Variants in ZC3H12D observed in about 807,000 individuals in gnomAD.
ZC3H12D encodes the protein probable ribonuclease ZC3H12D.
Under a neutral mutation model 24.2 loss-of-function variants are expected in ZC3H12D, and 11 were observed. The observed-to-expected ratio is 0.46, with a 90% confidence interval of 0.29 to 0.75. The LOEUF is 0.75. Ranked by LOEUF, ZC3H12D falls within the 30% of genes least tolerant of loss-of-function variation. The pLI is 0.11. For missense variants in ZC3H12D, 740 were observed against 767.7 expected (o/e 0.96, Z 0.43); for synonymous variants, 333 against 341.8 (o/e 0.97, Z 0.28).
Position 149,449,490 on chromosome 6 carries a change from T to A in ZC3H12D, c.*1193A>T, listed in dbSNP as rs1327756750. 1 of 151,298 alleles carries A rather than the reference T, an allele frequency of 6.6e-6. No homozygotes were observed. The highest frequency in any genetic ancestry group is 1.5e-5 in the Non-Finnish European group (1 of 68,060). The allele number at this position is 151,298 out of a possible 1,614,324, so 9.4% of individuals were successfully genotyped here. A position where few individuals can be genotyped will look rare whatever the true frequency, so the allele number is the denominator to read the frequency against. On this transcript the variant is annotated 3_prime_UTR_variant, in exon 6 of 6. Transcript: ENST00000409806. Reference sequence around the variant, plus strand: ...TCTCGCTCTGCTGCCCAGGCTGGAGTGCAGTGGCATGATCTCAACTCACTG... The same window carrying A: ...TCTCGCTCTGCTGCCCAGGCTGGAGAGCAGTGGCATGATCTCAACTCACTG...
At chr6:149,455,860 C>A (rs889838407) in intron 4 of ZC3H12D, among the ~76,000 whole-genome samples, 7 of 151,268 alleles carry the variant, frequency 4.6e-5, no homozygotes, top group East Asian at 1.9e-4. Context: ...TGTGATCATG[C>A]CACTGCACTC....
At chr6:149,451,566 G>T in intron 5 of ZC3H12D, 87 bp from the exon 6 acceptor site, 1 of 1,187,870 alleles carries the variant, frequency 8.4e-7, no homozygotes, top group Non-Finnish European at 1.1e-6. Flanking sequence ...GGGAGTGCCG[G>T]CCCGCGGCCT....
intron 2 of ZC3H12D, among the ~76,000 whole-genome samples, chr6:149,471,132 C>T (rs1371480157): frequency 1.3e-5 from 2 of 152,236 alleles, no homozygotes; most frequent in Non-Finnish European, 2.9e-5. Context: ...CTTAGGAGAG[C>T]CCATTTCTGT....
At chr6:149,458,377 C>T (rs1210421266) in intron 3 of ZC3H12D, among the ~76,000 whole-genome samples, 1 of 151,968 alleles carries the variant, frequency 6.6e-6, no homozygotes, top group Non-Finnish European at 1.5e-5. Context: ...CTCAAGCATC[C>T]ACCCACCTCA....
Position 149,461,959 on chromosome 6 carries a change from T to C in ZC3H12D, c.317A>G (p.Lys106Arg), listed in dbSNP as rs61997220. 86,039 of 1,611,216 alleles carry C rather than the reference T, an allele frequency of 0.053. 2,794 individuals carry two copies. The highest frequency in any genetic ancestry group is 0.064 in the Non-Finnish European group (75,885 of 1,178,650). Residue 106 changes from lysine to arginine, a missense_variant, in exon 3 of 6, where the codon AAA becomes AGA. Lys to Arg is a conservative substitution (Grantham distance 26). Transcript: ENST00000409806. The stretch of plus-strand genomic sequence containing the variant: ...GATTCCCCGGCAAGAGAAGGTTTCT[T>C]TATTTCCATGGCTACAATGGGAAAA... ...GSNVAMSHGN[K>R]ETFSCRGIKL... is the part of the protein sequence containing the mutation.
chr6:149,451,453 A>C lies in ZC3H12D; in HGVS notation c.814T>G (p.Cys272Gly). 6.3e-7 allele frequency: 1 copy of C among 1,574,992 alleles called. No homozygotes were observed. Among genetic ancestry groups the C allele is most frequent in the Non-Finnish European group, 8.5e-7 (1 of 1,170,190 alleles). Residue 272 changes from cysteine to glycine, a missense_variant, in exon 6 of 6, where the codon TGC becomes GGC. Transcript: ENST00000409806. ...YGKKCTYGIK[C>G]KFYHPERPHH... is the part of the protein sequence containing the mutation. ...GGCCTCTCCGGGTGGTAGAACTTGC[A>C]CTTGATGCCATAGGTGCATTTCTTG...
chr6:149,465,891 CA>C (rs1356972384), intron 2 of ZC3H12D, among the ~76,000 whole-genome samples: 4 of 148,590 alleles, frequency 2.7e-5, no homozygotes, highest in Non-Finnish European at 5.9e-5. Flanking sequence ...CCAGCCCAAC[CA>C]TAGGGGAGGG....
Position 149,452,753 on chromosome 6 carries a change from A to G in ZC3H12D, c.681-31T>C, listed in dbSNP as rs1026992307. On this transcript the variant is annotated intron_variant, in intron 4 of 5. Transcript: ENST00000409806. The surrounding 1 kb of genome is among the most constrained non-coding windows in gnomAD (Gnocchi z 4.0). ...AAATAAGCACAGGGGCAACTGCAAG[A>G]CCACCTGGGATTTGCCACCAGCACC... 1.3e-6 allele frequency: 2 copies of G among 1,550,404 alleles called. No individual in the cohort carries two copies. The highest frequency in any genetic ancestry group is 1.9e-5 in the Admixed American group (1 of 53,024).
chr6:149,469,672 A>C (rs1432308894), intron 2 of ZC3H12D, among the ~76,000 whole-genome samples: 1 of 152,152 alleles, frequency 6.6e-6, no homozygotes, highest in Non-Finnish European at 1.5e-5. Context: ...ACACACACAC[A>C]GCCCTACCTT....
chr6:149,466,492 G>A (rs774867903), intron 2 of ZC3H12D, among the ~76,000 whole-genome samples: 1 of 151,574 alleles, frequency 6.6e-6, no homozygotes, highest in South Asian at 2.1e-4. Context: ...CCTCCCTCAC[G>A]TCACCCCCGA....
intron 2 of ZC3H12D, among the ~76,000 whole-genome samples, chr6:149,463,331 T>C (rs964422309): frequency 6.6e-6 from 1 of 152,248 alleles, no homozygotes; most frequent in African/African-American, 2.4e-5. Flanking sequence ...GGAAGATTCC[T>C]TTCTTCCTCC....
At chr6:149,475,327 C>T (rs1776318483) in intron 1 of ZC3H12D, among the ~76,000 whole-genome samples, 2 of 152,238 alleles carry the variant, frequency 1.3e-5, no homozygotes, top group Admixed American at 6.5e-5. Context: ...GCGAATTCTA[C>T]TCCCAGAAAG....
At chr6:149,478,275 TTA>T (rs1195911033) in intron 1 of ZC3H12D, among the ~76,000 whole-genome samples, 3 of 152,138 alleles carry the variant, frequency 2.0e-5, no homozygotes. Context: ...AGTCTACATG[TTA>T]TGTGATATCG....
chr6:149,456,622 C>CCCCCCCCCCCCCCCCCCGGGGGCG lies in ZC3H12D; in HGVS notation c.680+43_680+44insCGCCCCCGGGGGGGGGGGGGGGGG. 7.6e-7 allele frequency: 1 copy of CCCCCCCCCCCCCCCCCCGGGGGCG among 1,314,360 alleles called. No individual in the cohort carries two copies. Among genetic ancestry groups the CCCCCCCCCCCCCCCCCCGGGGGCG allele is most frequent in the Non-Finnish European group, 1.1e-6 (1 of 921,308 alleles). 81.4% of individuals were successfully genotyped at this position (1,314,360 alleles called of 1,614,324 possible). A position where few individuals can be genotyped will look rare whatever the true frequency, so the allele number is the denominator to read the frequency against. ...GGCCACTGCCTCGACCCCGGCCCCC[C>CCCCCCCCCCCCCCCCCCGGGGGCG]GCCCCGCCGCCCCCCAGGGTGTCAG... On this transcript the variant is annotated intron_variant, in intron 4 of 5. Transcript: ENST00000409806. This position sits in a 1 kb window ranked among gnomAD's most constrained non-coding sequence, Gnocchi z 4.3.
intron 4 of ZC3H12D, among the ~76,000 whole-genome samples, chr6:149,454,236 A>G (rs985464691): frequency 1.3e-5 from 2 of 152,232 alleles, no homozygotes; most frequent in Non-Finnish European, 2.9e-5. Flanking sequence ...GGAAAACCCA[A>G]TTCCTCAGAA....
chr6:149,453,876 TAAAC>T lies in ZC3H12D; in HGVS notation c.681-1158_681-1155del, dbSNP rs374224249. Among the ~76,000 whole-genome samples the T allele has an allele frequency of 3.2e-3, 493 of 152,194 alleles. 6 individuals are homozygous for T. Among genetic ancestry groups the T allele is most frequent in the South Asian group, 0.019 (93 of 4,818 alleles). On this transcript the variant is annotated intron_variant, in intron 4 of 5. Transcript: ENST00000409806. ...AGAGCTAGACTCTATCATCTCTAAA[TAAAC>T]AAACAAACAAAAAACAGTTCCAGAA...
intron 2 of ZC3H12D, among the ~76,000 whole-genome samples, chr6:149,473,101 A>G (rs1388771125): frequency 4.0e-5 from 6 of 151,558 alleles, no homozygotes; most frequent in Admixed American, 3.9e-4. Context: ...TGCTGATGGC[A>G]TCAATGCCAG....
chr6:149,455,183 C>T (rs1217370499), intron 4 of ZC3H12D, among the ~76,000 whole-genome samples: 1 of 152,210 alleles, frequency 6.6e-6, no homozygotes, highest in Non-Finnish European at 1.5e-5. Context: ...TCAAACACCA[C>T]ACTGTGTCCC....
At chr6:149,461,433 G>C (rs1439644539) in intron 3 of ZC3H12D, among the ~76,000 whole-genome samples, 3 of 151,914 alleles carry the variant, frequency 2.0e-5, no homozygotes, top group African/African-American at 7.3e-5. Flanking sequence ...TGGTAAATAA[G>C]TATTACCTGA....
Sources: allele counts gnomAD v4.1 joint callset (sites outside exome capture counted in the v4.1 genomes callset), GRCh38; gene constraint gnomAD v4.1.1; non-coding constraint Gnocchi (gnomAD v3.1); transcripts MANE v1.5; gene names NCBI Gene and HGNC (gene_info 2026-07-23, HGNC 2026-07-21).